PLA2G6: variants seen among roughly 807,000 people sequenced by gnomAD.
The protein encoded by PLA2G6 is 85/88 kDa calcium-independent phospholipase A2.
In PLA2G6, 62 loss-of-function variants were observed where a neutral mutation model predicts 83.8. The observed-to-expected ratio is 0.74, with a 90% CI of 0.60 to 0.91. The LOEUF (loss-of-function observed/expected upper bound fraction) is 0.91. Among genes scored for constraint, PLA2G6 ranks in the 40% least tolerant of loss-of-function variants. The pLI, the probability that PLA2G6 is intolerant of heterozygous loss-of-function variation, is 0.00. For missense variants in PLA2G6, 944 were observed against 1,102.0 expected, an observed-to-expected ratio of 0.86 and a Z score of 2.03; for synonymous variants, 417 against 449.8, an observed-to-expected ratio of 0.93 and a Z score of 0.92.
At chr22:38,148,332 CG>C (rs1253964066) in intron 2 of PLA2G6, 1 of 582,864 alleles carries the variant, frequency 1.7e-6, no homozygotes, top group East Asian at 3.0e-5. Context: ...TGAATGCTGA[CG>C]GGAACGATGA....
rs771640880 is a variant in PLA2G6, at chr22:38,133,006, C to T, written c.902G>A (p.Arg301His). 5.1e-6 allele frequency: 8 copies of T among 1,562,742 alleles called. No individual in the cohort carries two copies. Among genetic ancestry groups the T allele is most frequent in the South Asian group, 2.4e-5 (2 of 85,018 alleles). The stretch of plus-strand genomic sequence containing the variant: ...GTTGCAGCCCCGTTTCAGCAGCATG[C>T]GGGCCATCTGCGGGAGACGGTCAGG... ...LHWAKNAEMARMLLKRGCNVN... is the reference protein window; with the variant it reads ...LHWAKNAEMAHMLLKRGCNVN... The change falls in exon 7 of 17, where the codon CGC becomes CAC. Residue 301 changes from arginine (R) to histidine (H), a missense_variant. Physicochemically the swap from Arg to His is conservative, Grantham distance 29. Coordinates refer to ENST00000332509, the MANE Select transcript of PLA2G6 (RefSeq NM_003560.4).
intron 5 of PLA2G6, chr22:38,135,319 C>A (rs993182369): frequency 1.9e-6 from 1 of 539,068 alleles, no homozygotes; most frequent in African/African-American, 1.9e-5. Context: ...GATCACCCTC[C>A]CTGGTACTGG....
At chr22:38,174,765 G>T (rs1234246040) in intron 1 of PLA2G6, among the ~76,000 whole-genome samples, 1 of 152,184 alleles carries the variant, frequency 6.6e-6, no homozygotes, top group Non-Finnish European at 1.5e-5. Flanking sequence ...GGACTGGACG[G>T]CTCGAGAGGG....
intron 1 of PLA2G6, among the ~76,000 whole-genome samples, chr22:38,181,279 G>A (rs1322648562): frequency 6.6e-6 from 1 of 152,154 alleles, no homozygotes; most frequent in East Asian, 1.9e-4. Flanking sequence ...AAAAAAAGCA[G>A]GGAGGAAAGG....
chr22:38,172,520 G>A (rs912662936), intron 1 of PLA2G6, among the ~76,000 whole-genome samples: 2 of 152,238 alleles, frequency 1.3e-5, no homozygotes, highest in African/African-American at 4.8e-5. Flanking sequence ...ATGGGCTTTT[G>A]TTTTTTCCTT....
intron 1 of PLA2G6, among the ~76,000 whole-genome samples, chr22:38,170,471 C>A (rs1033366866): frequency 6.6e-6 from 1 of 152,064 alleles, no homozygotes; most frequent in East Asian, 1.9e-4. Context: ...AGATGCCATT[C>A]GAGACTCAGG....
chr22:38,169,117 G>T, intron 2 of PLA2G6, 101 bp downstream of exon 2: 1 of 928,812 alleles, frequency 1.1e-6, no homozygotes, highest in Non-Finnish European at 1.7e-6. Context: ...AGACCCCTCA[G>T]ACAGAGACTC....
chr22:38,143,656 T>C (rs2089058563), intron 3 of PLA2G6: 1 of 385,442 alleles, frequency 2.6e-6, no homozygotes, highest in Non-Finnish European at 5.0e-6. Context: ...CTGCTGTGCC[T>C]GCCCCAGGAA....
rs1014599897 is a variant in PLA2G6 at position 38,123,548 on chromosome 22, A to G, written c.1428-290T>C. 1.3e-5 allele frequency among the ~76,000 whole-genome samples: 2 copies of G among 152,074 alleles called. No homozygotes were observed. Among genetic ancestry groups the G allele is most frequent in the African/African-American group, 4.8e-5 (2 of 41,398 alleles). ...AGCAGGATCTCGGCCAGTCTCCCCA[A>G]CTTGGGACACCTGATTTTGGTCAGT... On this transcript the variant is annotated intron_variant, in intron 10 of 16. Transcript: ENST00000332509. The surrounding 1 kb of genome is among the most constrained non-coding windows in gnomAD (Gnocchi z 4.1).
intron 7 of PLA2G6, 72 bp from the exon 8 acceptor site, chr22:38,129,634 C>G: frequency 8.9e-7 from 1 of 1,119,976 alleles, no homozygotes; most frequent in South Asian, 1.2e-5. Context: ...CCCTGGCTGC[C>G]AGCCCCAACC....
At chr22:38,166,917 C>T (rs132979) in intron 2 of PLA2G6, among the ~76,000 whole-genome samples, 17,609 of 152,012 alleles carry the variant, frequency 0.12, 1,242 homozygotes, top group African/African-American at 0.18. Flanking sequence ...CCCACCTCCA[C>T]GGATTGGCAG....
chr22:38,131,163 T>C (rs2145761376), intron 7 of PLA2G6: 1 of 152,310 alleles, frequency 6.6e-6, no homozygotes, highest in Admixed American at 6.5e-5. Context: ...GAACACGTGA[T>C]ACCCTTTCAG....
chr22:38,121,189 C>G, intron 11 of PLA2G6: 1 of 390,130 alleles, frequency 2.6e-6, no homozygotes, highest in Non-Finnish European at 4.8e-6. Flanking sequence ...ACCAGCCTGC[C>G]CAACATGGTG....
At chr22:38,122,983 A>G in intron 11 of PLA2G6, 112 bp downstream of exon 11, 1 of 1,056,012 alleles carries the variant, frequency 9.5e-7, no homozygotes, top group Non-Finnish European at 1.4e-6. Context: ...AAGTGCTTAT[A>G]GCCCTCCTCT....
chr22:38,142,904 A>G (rs2089004502), intron 4 of PLA2G6: 2 of 690,746 alleles, frequency 2.9e-6, no homozygotes, highest in African/African-American at 1.8e-5. Context: ...AAGCAAAGAG[A>G]CTGAGGACGT....
Position 38,123,434 on chromosome 22 carries a change from C to T in PLA2G6, c.1428-176G>A, listed in dbSNP as rs1363615113. Among the ~76,000 whole-genome samples the T allele has an allele frequency of 6.6e-6, 1 of 152,108 alleles. No homozygotes were observed. Among genetic ancestry groups the T allele is most frequent in the African/African-American group, 2.4e-5 (1 of 41,410 alleles). On this transcript the variant is annotated intron_variant, in intron 10 of 16. Transcript: ENST00000332509. This position sits in a 1 kb window ranked among gnomAD's most constrained non-coding sequence, Gnocchi z 4.1. Reference sequence around the variant, plus strand: ...GGTGGGGGTGAGGGCAGTAAAGGAACAAATGTCTAGTATTTCAGGGGCTGG... The same window carrying T: ...GGTGGGGGTGAGGGCAGTAAAGGAATAAATGTCTAGTATTTCAGGGGCTGG...
intron 1 of PLA2G6, among the ~76,000 whole-genome samples, chr22:38,178,270 A>G (rs2090712824): frequency 6.6e-6 from 1 of 152,170 alleles, no homozygotes; most frequent in Non-Finnish European, 1.5e-5. Context: ...TGAGGATACA[A>G]TCGTAAACAA....
rs1351718096 is a variant in PLA2G6, at chr22:38,123,630, G to A, written c.1428-372C>T. ...AAGTCTGTTGGAATTAAATAAGGCTGGGGAAGGAGGGGCGGGGACCCTACA... is the reference window on the plus strand; with the variant it reads ...AAGTCTGTTGGAATTAAATAAGGCTAGGGAAGGAGGGGCGGGGACCCTACA... On this transcript the variant is annotated intron_variant, in intron 10 of 16. Transcript: ENST00000332509. The surrounding 1 kb of genome is among the most constrained non-coding windows in gnomAD (Gnocchi z 4.1). Among the ~76,000 whole-genome samples, 1 of 152,110 alleles carries A rather than the reference G, an allele frequency of 6.6e-6. No homozygotes were observed. Among genetic ancestry groups the A allele is most frequent in the South Asian group, 2.1e-4 (1 of 4,830 alleles).
chr22:38,169,388 G>A lies in PLA2G6; in HGVS notation c.39C>T (p.Gly13=), dbSNP rs201497785. Reference sequence around the variant, plus strand: ...ATGGGTTAGAGAACAAGTTGGTGACGCCACTGAAGGTATTGACCAGGCGGC... The same window carrying A: ...ATGGGTTAGAGAACAAGTTGGTGACACCACTGAAGGTATTGACCAGGCGGC... ...FFGRLVNTFS[G]VTNLFSNPFR... is the part of the protein sequence containing the mutation. The change falls in exon 2 of 17, where the codon GGC becomes GGT. Residue 13 remains glycine, a synonymous_variant. Transcript: ENST00000332509. The A allele has an allele frequency of 5.4e-5, 87 of 1,614,218 alleles. No homozygotes were observed. The East Asian group carries it at 1.1e-3, about 20-fold the overall frequency.
Sources: allele counts gnomAD v4.1 joint callset (sites outside exome capture counted in the v4.1 genomes callset), GRCh38; gene constraint gnomAD v4.1.1; non-coding constraint Gnocchi (gnomAD v3.1); transcripts MANE v1.5; gene names NCBI Gene and HGNC (gene_info 2026-07-23, HGNC 2026-07-21).